TECTA: variants seen among roughly 807,000 people sequenced by gnomAD.
TECTA encodes alpha-tectorin.
TECTA carries 128 observed loss-of-function variants against 216.8 expected under a neutral mutation model. The ratio of observed to expected loss-of-function variants is 0.59; its 90% confidence interval spans 0.51 to 0.68. The LOEUF (loss-of-function observed/expected upper bound fraction) is 0.68. Ranked by LOEUF, TECTA falls within the 30% of genes least tolerant of loss-of-function variation. The probability of loss-of-function intolerance (pLI) is 0.00; values close to 1 mark genes in which losing one functional copy is unlikely to be tolerated. For missense variants in TECTA, 2,551 were observed against 2,786.2 expected, an observed-to-expected ratio of 0.92 and a Z score of 1.90; for synonymous variants, 1,089 against 1,117.1, an observed-to-expected ratio of 0.97 and a Z score of 0.50.
intron 20 of TECTA, among the ~76,000 whole-genome samples, chr11:121,175,132 C>CA (rs1258785488): frequency 1.3e-5 from 2 of 151,640 alleles, no homozygotes; most frequent in African/African-American, 2.4e-5. Flanking sequence ...TTGATCCTTT[C>CA]AAAAAACCAG....
chr11:121,107,272 T>G (rs992758529), intron 3 of TECTA, among the ~76,000 whole-genome samples: 1 of 152,224 alleles, frequency 6.6e-6, no homozygotes, highest in African/African-American at 2.4e-5. Flanking sequence ...TATTGCACTG[T>G]GTGATATGGA....
intron 20 of TECTA, among the ~76,000 whole-genome samples, chr11:121,173,719 C>T (rs1279488653): frequency 1.3e-5 from 2 of 151,680 alleles, no homozygotes; most frequent in East Asian, 3.9e-4. Context: ...TTTTCCAATT[C>T]TGTGAAGAAA....
At chr11:121,104,108 G>C (rs1354209941) in intron 2 of TECTA, among the ~76,000 whole-genome samples, 1 of 152,110 alleles carries the variant, frequency 6.6e-6, no homozygotes, top group East Asian at 1.9e-4. Flanking sequence ...AATTCAGTGT[G>C]AATTTGAGCC....
intron 14 of TECTA, among the ~76,000 whole-genome samples, chr11:121,159,792 G>C (rs112372083): frequency 1.3e-5 from 2 of 152,194 alleles, no homozygotes; most frequent in South Asian, 4.1e-4. Context: ...CTTTTCTAAG[G>C]TTTCCTTATC....
At chr11:121,115,763 T>C (rs890953632) in intron 6 of TECTA, among the ~76,000 whole-genome samples, 3 of 152,084 alleles carry the variant, frequency 2.0e-5, no homozygotes, top group Non-Finnish European at 2.9e-5. Flanking sequence ...TGGGCTCAAG[T>C]AATCCTCTCA....
At chr11:121,128,772 G>A (rs772697429) in intron 9 of TECTA, among the ~76,000 whole-genome samples, 24 of 152,254 alleles carry the variant, frequency 1.6e-4, no homozygotes, top group Non-Finnish European at 2.2e-4. Context: ...CAGAATCTGC[G>A]CTCTTAACCC....
At chr11:121,146,768 T>C (rs1946842406) in intron 12 of TECTA, among the ~76,000 whole-genome samples, 1 of 152,174 alleles carries the variant, frequency 6.6e-6, no homozygotes, top group Admixed American at 6.5e-5. Context: ...TCCAATTAGG[T>C]AATTGAAAGC....
At chr11:121,118,230 T>C (rs1946518667) in intron 6 of TECTA, 76 bp from the exon 7 acceptor site, 3 of 1,568,214 alleles carry the variant, frequency 1.9e-6, no homozygotes, top group South Asian at 2.3e-5. Flanking sequence ...ATAATGGAAG[T>C]AAAGCATTTA....
intron 10 of TECTA, among the ~76,000 whole-genome samples, chr11:121,130,980 A>C (rs670973): frequency 0.74 from 111,409 of 151,466 alleles, 41,569 homozygotes; most frequent in African/African-American, 0.86. Flanking sequence ...TTTGGGAGGC[A>C]AAGGCAGGTG....
In TECTA at chr11:121,191,112, A is replaced by G; in HGVS notation, c.*306A>G. ...AGTAAAGGAAAAAAATTCTGGTTAG[A>G]GAAATCTGACTGGAAATCTGACCAG... On this transcript the variant is annotated 3_prime_UTR_variant, in exon 24 of 24. Coordinates refer to ENST00000392793, the MANE Select transcript of TECTA (RefSeq NM_005422.4). The G allele has an allele frequency of 3.0e-6, 1 of 338,114 alleles. No homozygotes were observed. Among genetic ancestry groups the G allele is most frequent in the South Asian group, 2.6e-5 (1 of 38,058 alleles). 20.9% of individuals were successfully genotyped at this position (338,114 alleles called of 1,614,324 possible).
chr11:121,113,157 G>A lies in TECTA; in HGVS notation c.572G>A (p.Gly191Glu), dbSNP rs867217863. ...TATTACGAAATCAACTGGACCACGG[G>A]GACGGCGAGTGGCGGCGACCCCCTG... ...FNYYEINWTT[G>E]TASGGDPLTG... Residue 191 changes from glycine to glutamate, a missense_variant, in exon 5 of 24, where the codon GGG (glycine) becomes GAG (glutamate). Coordinates refer to ENST00000392793, the MANE Select transcript of TECTA (RefSeq NM_005422.4). This position sits in a 1 kb window ranked among gnomAD's most constrained non-coding sequence, Gnocchi z 4.2. 1.2e-6 allele frequency: 2 copies of A among 1,613,864 alleles called. No homozygotes were observed. The highest frequency in any genetic ancestry group is 2.2e-5 in the East Asian group (1 of 44,866).
intron 7 of TECTA, among the ~76,000 whole-genome samples, chr11:121,120,858 A>T (rs1946551357): frequency 6.6e-6 from 1 of 152,234 alleles, no homozygotes; most frequent in African/African-American, 2.4e-5. Flanking sequence ...GCCCATGGCG[A>T]TGAGCAGCTT....
At chr11:121,148,000 A>G (rs1223618492) in intron 12 of TECTA, among the ~76,000 whole-genome samples, 3 of 152,164 alleles carry the variant, frequency 2.0e-5, no homozygotes, top group East Asian at 3.9e-4. Flanking sequence ...CCCCCACTAC[A>G]AAGCTTGGCT....
chr11:121,106,082 A>C lies in TECTA; in HGVS notation c.198+118A>C, dbSNP rs1946387602. Reference sequence around the variant, plus strand: ...GGGAAGGGAGGATTTATTGGCAGCCAAAACGACAAGTTCTGAGATTTCATG... The same window carrying C: ...GGGAAGGGAGGATTTATTGGCAGCCCAAACGACAAGTTCTGAGATTTCATG... On this transcript the variant is annotated intron_variant, in intron 3 of 23. Coordinates refer to ENST00000392793, the MANE Select transcript of TECTA (RefSeq NM_005422.4). The C allele has an allele frequency of 6.7e-6, 10 of 1,501,816 alleles. No individual in the cohort carries two copies. In the South Asian group the frequency reaches 1.0e-4, roughly 15 times the overall value. 93.0% of individuals were successfully genotyped at this position (1,501,816 alleles called of 1,614,324 possible).
Position 121,113,798 on chromosome 11 carries a change from G to A in TECTA, c.790+80G>A, listed in dbSNP as rs1002176746. The stretch of plus-strand genomic sequence containing the variant: ...AGGCAAGCTTTTAAGCCACGGGGGC[G>A]GACTCATTCCTGATGCCTTACTCTT... On this transcript the variant is annotated intron_variant, in intron 6 of 23. Transcript: ENST00000392793. The surrounding 1 kb of genome is among the most constrained non-coding windows in gnomAD (Gnocchi z 4.2). 35 of 1,548,240 alleles carry A rather than the reference G, an allele frequency of 2.3e-5. No individual in the cohort carries two copies. The highest frequency in any genetic ancestry group is 2.7e-5 in the Non-Finnish European group (31 of 1,131,142).
rs1408126754 is a variant in TECTA at position 121,118,592 on chromosome 11, T to C, written c.1077T>C (p.Pro359=). ...ARQCLQTSSL[P]FFSVEAKNEH... The stretch of plus-strand genomic sequence containing the variant: ...AGTGTTTGCAGACTTCCAGCCTCCC[T>C]TTCTTCAGTGTGGAGGCCAAGAATG... The change falls in exon 7 of 24, where the codon CCT becomes CCC. Residue 359 remains proline, a synonymous_variant. Coordinates refer to ENST00000392793, the MANE Select transcript of TECTA (RefSeq NM_005422.4). The C allele has an allele frequency of 2.5e-6, 4 of 1,614,072 alleles. No individual in the cohort carries two copies. The African/African-American group carries it at 5.3e-5, about 22-fold the overall frequency.
rs1438791019 is a variant in TECTA at position 121,125,682 on chromosome 11, C to A, written c.1584C>A (p.Asn528Lys). The A allele has an allele frequency of 3.1e-6, 5 of 1,610,040 alleles. No homozygotes were observed. Among genetic ancestry groups the A allele is most frequent in the Non-Finnish European group, 4.2e-6 (5 of 1,176,598 alleles). The stretch of plus-strand genomic sequence containing the variant: ...GCTCTGACTACTGCGGCTTCCTCAA[C>A]AAGACAGACGGCCCTCTGTGGGAGT... ...YFGSDYCGFL[N>K]KTDGPLWECG... The change falls in exon 8 of 24, where the codon AAC becomes AAA. Residue 528 changes from asparagine to lysine, a missense_variant. Transcript: ENST00000392793.
In TECTA at chr11:121,118,508, C is replaced by T; in HGVS notation, c.993C>T (p.His331=). ...TGGTGTTTGGGGAGCCACACTACCA[C>T]ACTTTTGACGGCTTCCTCTTCCACT... ...TCVVFGEPHY[H]TFDGFLFHFQ... The change falls in exon 7 of 24, where the codon CAC becomes CAT. Residue 331 remains histidine (H), a synonymous_variant. Transcript: ENST00000392793. 6.2e-7 allele frequency: 1 copy of T among 1,614,220 alleles called. No homozygotes were observed. The highest frequency in any genetic ancestry group is 1.6e-4 in the Middle Eastern group (1 of 6,062).
intron 7 of TECTA, among the ~76,000 whole-genome samples, chr11:121,119,925 G>C (rs976827742): frequency 4.6e-5 from 7 of 152,192 alleles, no homozygotes; most frequent in Non-Finnish European, 8.8e-5. Flanking sequence ...TCAAGGCTAA[G>C]AGTTTAGATA....
Sources: gnomAD v4.1 joint callset for allele counts (sites outside exome capture counted in the v4.1 genomes callset) on GRCh38, gnomAD v4.1.1 for gene constraint, Gnocchi (gnomAD v3.1) non-coding constraint, MANE v1.5 for transcripts, NCBI Gene and HGNC (gene_info 2026-07-23, HGNC 2026-07-21) for gene names.